MCC: variants seen among roughly 807,000 people sequenced by gnomAD.
MCC encodes MCC regulator of Wnt signaling pathway, also known as colorectal mutant cancer protein.
A neutral mutation model predicts 116.2 loss-of-function variants in MCC; 90 were observed. That is an observed-to-expected ratio of 0.77 (90% CI 0.65 to 0.92). The LOEUF (loss-of-function observed/expected upper bound fraction) is 0.92, where lower values mean the gene tolerates loss of function less well. Among genes scored for constraint, MCC ranks in the 40% least tolerant of loss-of-function variants. The pLI, the probability that MCC is intolerant of heterozygous loss-of-function variation, is 0.00. For missense variants in MCC, 1,516 were observed against 1,312.2 expected (o/e 1.16, Z -2.40); for synonymous variants, 578 against 510.5 (o/e 1.13, Z -1.78).
intron 13 of MCC, among the ~76,000 whole-genome samples, chr5:113,067,004 C>T (rs1753657934): frequency 6.6e-6 from 1 of 152,340 alleles, no homozygotes; most frequent in South Asian, 2.1e-4. Flanking sequence ...GTCTCTCTTT[C>T]CTCTTAGCAC....
intron 12 of MCC, 55 bp from the exon 13 acceptor site, chr5:113,068,238 A>G: frequency 1.4e-6 from 2 of 1,385,234 alleles, no homozygotes; most frequent in East Asian, 2.3e-5. Context: ...GACACCTTCA[A>G]TGTGGCGCCG....
chr5:113,215,966 G>C (rs1162287267), intron 3 of MCC, among the ~76,000 whole-genome samples: 1 of 152,180 alleles, frequency 6.6e-6, no homozygotes, highest in African/African-American at 2.4e-5. Flanking sequence ...AATCAAAACT[G>C]TTGTTTCTCA....
chr5:113,170,408 G>C (rs191509214), intron 3 of MCC, among the ~76,000 whole-genome samples: 1 of 152,092 alleles, frequency 6.6e-6, no homozygotes, highest in Non-Finnish European at 1.5e-5. Flanking sequence ...AAAATTTTCT[G>C]ATAAACCACA....
At chr5:113,333,828 T>TACATATGTACATATGTACATATATATAC (rs71687516) in intron 3 of MCC, among the ~76,000 whole-genome samples, 1 of 12,274 alleles carries the variant, frequency 8.1e-5, no homozygotes, top group African/African-American at 1.2e-4. Flanking sequence ...TACATATATG[T>TACATATGTACATATGTACATATATATAC]ATATATGTAT....
At chr5:113,281,992 G>C (rs1766064197) in intron 3 of MCC, among the ~76,000 whole-genome samples, 1 of 152,140 alleles carries the variant, frequency 6.6e-6, no homozygotes, top group South Asian at 2.1e-4. Context: ...TCACTATATG[G>C]GTTATGTCAC....
At chr5:113,463,293 G>C (rs1203045134) in intron 1 of MCC, among the ~76,000 whole-genome samples, 1 of 152,148 alleles carries the variant, frequency 6.6e-6, no homozygotes, top group South Asian at 2.1e-4. Flanking sequence ...GAGCAGATTA[G>C]CACTTCAAAA....
chr5:113,102,094 C>A, intron 7 of MCC, 149 bp from the exon 8 acceptor site: 1 of 726,790 alleles, frequency 1.4e-6, no homozygotes, highest in Non-Finnish European at 2.3e-6. Context: ...TACAGACACC[C>A]CAAAGTTATC....
rs543402554 is a variant in MCC, at chr5:113,261,524, G to A, written c.627+78995C>T. Reference sequence around the variant, plus strand: ...AGCCATAAAACCAAACCCAAAACTCGTACCCAGAGGGCAGGTATTTATGCC... The same window carrying A: ...AGCCATAAAACCAAACCCAAAACTCATACCCAGAGGGCAGGTATTTATGCC... On this transcript the variant is annotated intron_variant, in intron 3 of 18. Transcript: ENST00000408903. Among the ~76,000 whole-genome samples the A allele has an allele frequency of 6.6e-4, 100 of 151,994 alleles. 1 individual carries two copies. In the Middle Eastern group the frequency reaches 0.017, roughly 26 times the overall value.
intron 3 of MCC, among the ~76,000 whole-genome samples, chr5:113,230,790 C>T (rs574981555): frequency 6.6e-6 from 1 of 152,180 alleles, no homozygotes; most frequent in Non-Finnish European, 1.5e-5. Flanking sequence ...TGACTACCTT[C>T]ACATATTGTG....
chr5:113,033,496 CCTT>C (rs1453724070), intron 17 of MCC, among the ~76,000 whole-genome samples: 2 of 151,584 alleles, frequency 1.3e-5, no homozygotes, highest in Admixed American at 6.5e-5. Flanking sequence ...GTTCCTTTCT[CCTT>C]CTAATTTAAA....
intron 1 of MCC, among the ~76,000 whole-genome samples, chr5:113,483,533 T>G (rs1772434011): frequency 6.6e-6 from 1 of 152,232 alleles, no homozygotes; most frequent in Admixed American, 6.5e-5. Context: ...CTTATTTTTG[T>G]ATATTTCTAT....
intron 3 of MCC, among the ~76,000 whole-genome samples, chr5:113,241,055 A>G (rs529876600): frequency 6.6e-5 from 10 of 152,326 alleles, no homozygotes; most frequent in Middle Eastern, 3.4e-3. Context: ...AAACTGAGTA[A>G]TATCAGTGTG....
Position 113,023,357 on chromosome 5 carries a change from T to G in MCC, c.*3945A>C, listed in dbSNP as rs1750293693. 6.6e-6 allele frequency: 1 copy of G among 152,246 alleles called. No individual in the cohort carries two copies. Among genetic ancestry groups the G allele is most frequent in the Non-Finnish European group, 1.5e-5 (1 of 68,048 alleles). 9.4% of individuals were successfully genotyped at this position (152,246 alleles called of 1,614,324 possible). A position where few individuals can be genotyped will look rare whatever the true frequency, so the allele number is the denominator to read the frequency against. On this transcript the variant is annotated 3_prime_UTR_variant, in exon 19 of 19. Coordinates refer to ENST00000408903, the MANE Select transcript of MCC (RefSeq NM_001085377.2). ...CTCAAAGGTGAATCAAACTTGTATATCATTCCTTGTCAAATAGGCTGTTCC... is the reference window on the plus strand; with the variant it reads ...CTCAAAGGTGAATCAAACTTGTATAGCATTCCTTGTCAAATAGGCTGTTCC...
chr5:113,321,227 A>G (rs1389596805), intron 3 of MCC, among the ~76,000 whole-genome samples: 1 of 152,240 alleles, frequency 6.6e-6, no homozygotes, highest in East Asian at 1.9e-4. Context: ...AAACCAAAAT[A>G]TATCTTTTCT....
At chr5:113,040,761 T>TGAAAC (rs1751653071) in intron 17 of MCC, among the ~76,000 whole-genome samples, 2 of 152,214 alleles carry the variant, frequency 1.3e-5, no homozygotes, top group Non-Finnish European at 2.9e-5. Flanking sequence ...AAGTTTGTTC[T>TGAAAC]TGGCTCCATC....
At chr5:113,290,961 G>A (rs73781508) in intron 3 of MCC, among the ~76,000 whole-genome samples, 7 of 152,106 alleles carry the variant, frequency 4.6e-5, no homozygotes, top group Non-Finnish European at 8.8e-5. Flanking sequence ...TTTTCCTTTT[G>A]TATTTCTGTT....
intron 2 of MCC, among the ~76,000 whole-genome samples, chr5:113,342,986 T>C (rs1768051326): frequency 6.6e-6 from 1 of 152,162 alleles, no homozygotes; most frequent in Admixed American, 6.5e-5. Context: ...AGGTCTTTAA[T>C]ACATGGCTTT....
At chr5:113,113,679 C>CA (rs1469455325) in intron 6 of MCC, among the ~76,000 whole-genome samples, 1 of 146,714 alleles carries the variant, frequency 6.8e-6, no homozygotes, top group Non-Finnish European at 1.5e-5. Flanking sequence ...AAGCTAACCT[C>CA]AAGTCTTGTA....
intron 3 of MCC, among the ~76,000 whole-genome samples, chr5:113,170,826 T>A (rs1264427517): frequency 6.6e-6 from 1 of 152,132 alleles, no homozygotes; most frequent in Non-Finnish European, 1.5e-5. Context: ...CCCTTGGGAA[T>A]ACTTATCTCT....
Sources: gnomAD v4.1 joint callset for allele counts (sites outside exome capture counted in the v4.1 genomes callset) on GRCh38, gnomAD v4.1.1 for gene constraint, MANE v1.5 for transcripts, NCBI Gene and HGNC (gene_info 2026-07-23, HGNC 2026-07-21) for gene names.